Variants in AGTR1 observed in about 807,000 individuals in gnomAD.
AGTR1 encodes type-1 angiotensin II receptor.
In AGTR1, 16 loss-of-function variants were observed where a neutral mutation model predicts 19.4. The observed-to-expected ratio is 0.82, with a 90% CI of 0.56 to 1.25. AGTR1 has a LOEUF of 1.25. Ranked by LOEUF, AGTR1 falls within the 50% of genes most tolerant of loss-of-function variation. The probability of loss-of-function intolerance (pLI) is 0.00; values close to 1 mark genes in which losing one functional copy is unlikely to be tolerated. For missense variants in AGTR1, 373 were observed against 431.9 expected, an observed-to-expected ratio of 0.86 and a Z score of 1.21; for synonymous variants, 153 against 154.9, an observed-to-expected ratio of 0.99 and a Z score of 0.09.
intron 1 of AGTR1, among the ~76,000 whole-genome samples, chr3:148,706,493 A>T (rs1479949744): frequency 1.3e-5 from 2 of 152,006 alleles, no homozygotes; most frequent in Admixed American, 1.3e-4. Flanking sequence ...ATATATAATT[A>T]AAAATACTGA....
intron 2 of AGTR1, among the ~76,000 whole-genome samples, chr3:148,734,108 T>A (rs1015962808): frequency 2.6e-5 from 4 of 152,172 alleles, no homozygotes; most frequent in African/African-American, 9.7e-5. Context: ...GTTGTTTAAT[T>A]TATAGTAAGT....
intron 1 of AGTR1, among the ~76,000 whole-genome samples, chr3:148,705,594 C>T (rs979790897): frequency 6.6e-6 from 1 of 152,084 alleles, no homozygotes; most frequent in Admixed American, 6.6e-5. Flanking sequence ...CTATTATCTA[C>T]TGAGTTACCA....
intron 2 of AGTR1, among the ~76,000 whole-genome samples, chr3:148,709,140 C>G (rs2107932470): frequency 6.8e-6 from 1 of 147,784 alleles, no homozygotes; most frequent in East Asian, 2.0e-4. Flanking sequence ...TTGTTTTTTT[C>G]AGGTATAGCG....
At position 148,741,114 on chromosome 3, in the gene AGTR1, A is replaced by G. The variant is rs773385210; in HGVS notation, c.79A>G (p.Ile27Val). 7.4e-6 allele frequency: 12 copies of G among 1,614,174 alleles called. No homozygotes were observed. Among genetic ancestry groups the G allele is most frequent in the South Asian group, 5.5e-5 (5 of 91,082 alleles). ...TCCCAAAGCTGGAAGGCATAATTACATATTTGTCATGATTCCTACTTTATA... is the reference window on the plus strand; with the variant it reads ...TCCCAAAGCTGGAAGGCATAATTACGTATTTGTCATGATTCCTACTTTATA... ...DCPKAGRHNY[I>V]FVMIPTLYSI... Residue 27 changes from isoleucine to valine, a missense_variant, in exon 3 of 3, where the codon ATA becomes GTA. By Grantham distance (29) the Ile-to-Val change is conservative (BLOSUM62 3). Coordinates refer to ENST00000349243, the MANE Select transcript of AGTR1 (RefSeq NM_000685.5).
intron 2 of AGTR1, among the ~76,000 whole-genome samples, chr3:148,714,883 T>C (rs1713202216): frequency 1.3e-5 from 2 of 152,128 alleles, no homozygotes; most frequent in South Asian, 2.1e-4. Flanking sequence ...TTTCATGTAG[T>C]AGAGAATTAG....
Position 148,716,826 on chromosome 3 carries a change from G to GAA in AGTR1, c.-48+8802_-48+8803dup, listed in dbSNP as rs1455885147. Among the ~76,000 whole-genome samples the GAA allele has an allele frequency of 1.3e-5, 2 of 152,084 alleles. No homozygotes were observed. The highest frequency in any genetic ancestry group is 2.9e-5 in the Non-Finnish European group (2 of 68,010). ...TTAACCTTAGTTTTTTAACTGCTCT[G>GAA]AAAATGGTTTCTGTCCCTGGTGGAC... On this transcript the variant is annotated intron_variant, in intron 2 of 2. Transcript: ENST00000349243. This position sits in a 1 kb window ranked among gnomAD's most constrained non-coding sequence, Gnocchi z 4.7.
intron 2 of AGTR1, chr3:148,739,812 C>T: frequency 1.6e-6 from 2 of 1,231,698 alleles, no homozygotes; most frequent in Non-Finnish European, 2.0e-6. Context: ...CATGCCATTG[C>T]AAGAGAATGC....
chr3:148,733,653 A>T (rs1714414649), intron 2 of AGTR1, among the ~76,000 whole-genome samples: 2 of 152,230 alleles, frequency 1.3e-5, no homozygotes, highest in Admixed American at 1.3e-4. Context: ...AGTAGTCTCC[A>T]AGAGCCATAT....
At chr3:148,721,073 T>C (rs1378351278) in intron 2 of AGTR1, among the ~76,000 whole-genome samples, 1 of 152,202 alleles carries the variant, frequency 6.6e-6, no homozygotes, top group Non-Finnish European at 1.5e-5. Flanking sequence ...GTTGTCTGTT[T>C]GTCCTATAAG....
chr3:148,702,505 G>A (rs12695872), intron 1 of AGTR1, among the ~76,000 whole-genome samples: 4,326 of 152,234 alleles, frequency 0.028, 192 homozygotes, highest in African/African-American at 0.094. Flanking sequence ...GGTCTTTGCC[G>A]TAGAGAGATA....
chr3:148,732,802 G>A (rs990012379), intron 2 of AGTR1, among the ~76,000 whole-genome samples: 3 of 139,812 alleles, frequency 2.1e-5, no homozygotes, highest in African/African-American at 8.0e-5. Flanking sequence ...GTGCAGTGGC[G>A]GGATCTCGGC....
intron 2 of AGTR1, among the ~76,000 whole-genome samples, chr3:148,721,927 A>G (rs943020892): frequency 6.6e-6 from 1 of 152,242 alleles, no homozygotes; most frequent in African/African-American, 2.4e-5. Context: ...TAGCATACTC[A>G]GTAGGTTCTT....
chr3:148,732,299 A>G (rs1714300475), intron 2 of AGTR1, among the ~76,000 whole-genome samples: 1 of 152,268 alleles, frequency 6.6e-6, no homozygotes, highest in Non-Finnish European at 1.5e-5. Context: ...AATGGAATGA[A>G]ACAAAGTAGT....
At chr3:148,735,031 C>T (rs1051995345) in intron 2 of AGTR1, among the ~76,000 whole-genome samples, 12 of 152,252 alleles carry the variant, frequency 7.9e-5, no homozygotes, top group African/African-American at 2.6e-4. Flanking sequence ...GTTAAGACCA[C>T]ATTGGGCCAG....
At chr3:148,730,363 G>T (rs1714179923) in intron 2 of AGTR1, 2 of 389,216 alleles carry the variant, frequency 5.1e-6, no homozygotes, top group Non-Finnish European at 9.1e-6. Flanking sequence ...TCCTGAGAAG[G>T]TATGAAGGTG....
In AGTR1 at chr3:148,699,190, T is replaced by C. The variant is rs1445839847; in HGVS notation, c.-132+1063T>C. On this transcript the variant is annotated intron_variant, in intron 1 of 2. Transcript: ENST00000349243. The stretch of plus-strand genomic sequence containing the variant: ...GTGTCATTCTGAGAAGAGAAAGTAA[T>C]AGAGGCAAGAAATTTGGCACCCTAT... Among the ~76,000 whole-genome samples the C allele has an allele frequency of 3.3e-5, 5 of 152,166 alleles. No individual in the cohort carries two copies. The South Asian group carries it at 6.2e-4, about 19-fold the overall frequency.
At chr3:148,734,236 A>G (rs570132901) in intron 2 of AGTR1, among the ~76,000 whole-genome samples, 1 of 152,216 alleles carries the variant, frequency 6.6e-6, no homozygotes, top group Non-Finnish European at 1.5e-5. Context: ...TTTCATTGTA[A>G]TTCATATCCT....
chr3:148,727,923 T>C (rs1714045759), intron 2 of AGTR1, among the ~76,000 whole-genome samples: 1 of 152,298 alleles, frequency 6.6e-6, no homozygotes, highest in South Asian at 2.1e-4. Flanking sequence ...TTGGATTAGA[T>C]AATTTTTTGG....
At chr3:148,738,515 A>G (rs1714692818) in intron 2 of AGTR1, among the ~76,000 whole-genome samples, 1 of 152,198 alleles carries the variant, frequency 6.6e-6, no homozygotes, top group Non-Finnish European at 1.5e-5. Flanking sequence ...GTCTATATAA[A>G]TGAATTTATA....
Sources: gnomAD v4.1 joint callset for allele counts (sites outside exome capture counted in the v4.1 genomes callset) on GRCh38, gnomAD v4.1.1 for gene constraint, Gnocchi (gnomAD v3.1) non-coding constraint, MANE v1.5 for transcripts, NCBI Gene and HGNC (gene_info 2026-07-23, HGNC 2026-07-21) for gene names.